The following DGAT2L6 variants were observed in gnomAD, a reference collection of about 807,000 sequenced individuals.
DGAT2L6 encodes diacylglycerol O-acyltransferase 2-like protein 6.
In DGAT2L6, 22 loss-of-function variants were observed where a neutral mutation model predicts 25.5. That is an observed-to-expected ratio of 0.86 (90% CI 0.62 to 1.23). The LOEUF (loss-of-function observed/expected upper bound fraction) is 1.23. DGAT2L6 is among the 50% of genes most tolerant of loss of function. The pLI is 0.00. For missense variants in DGAT2L6, 287 were observed against 253.2 expected (o/e 1.13, Z -0.91); for synonymous variants, 100 against 94.7 (o/e 1.06, Z -0.32).
chrX:70,186,858 C>T (rs756537520), intron 1 of DGAT2L6, among the ~76,000 whole-genome samples: 41 of 112,011 alleles, frequency 3.7e-4, no homozygotes, highest in African/African-American at 1.1e-3. Context: ...AATGTGAGTA[C>T]GGCTACTGAG....
Position 70,205,222 on chromosome X carries a change from T to C in DGAT2L6, c.*116T>C. 6 of 837,994 alleles carry C rather than the reference T, an allele frequency of 7.2e-6. No homozygotes were observed. The highest frequency in any genetic ancestry group is 9.4e-6 in the Non-Finnish European group (6 of 635,179). 69.1% of individuals were successfully genotyped at this position (837,994 alleles called of 1,213,427 possible). ...ATCGTAAGGATGAGAGAGGAGACCA[T>C]CCAAGCCAGAAATTATTTAATAAAT... On this transcript the variant is annotated 3_prime_UTR_variant, in exon 7 of 7. Transcript: ENST00000333026.
chrX:70,204,861 T>A (rs2085423311), intron 6 of DGAT2L6, 91 bp from the exon 7 acceptor site: 10 of 1,002,235 alleles, frequency 1.0e-5, no homozygotes, highest in Non-Finnish European at 1.2e-5. Flanking sequence ...GAAAGCCAGA[T>A]ACTGAGTTTC....
At chrX:70,180,468 A>AAAAAAT (rs1034643981) in intron 1 of DGAT2L6, among the ~76,000 whole-genome samples, 8 of 111,502 alleles carry the variant, frequency 7.2e-5, no homozygotes, top group Non-Finnish European at 1.3e-4. Flanking sequence ...AGTAAAAAAT[A>AAAAAAT]AAAAATAAAA....
chrX:70,202,611 A>T (rs779723864), intron 5 of DGAT2L6, among the ~76,000 whole-genome samples: 1 of 111,959 alleles, frequency 8.9e-6, no homozygotes, highest in South Asian at 3.7e-4. Flanking sequence ...AGACCCATGC[A>T]CATATAATTA....
chrX:70,177,523 G>A lies in DGAT2L6; in HGVS notation c.-60G>A. 2 of 1,038,587 alleles carry A rather than the reference G, an allele frequency of 1.9e-6. No individual in the cohort carries two copies. Among genetic ancestry groups the A allele is most frequent in the Non-Finnish European group, 2.7e-6 (2 of 744,367 alleles). 85.6% of individuals were successfully genotyped at this position (1,038,587 alleles called of 1,213,427 possible). On this transcript the variant is annotated 5_prime_UTR_variant, in exon 1 of 7. Transcript: ENST00000333026. The stretch of plus-strand genomic sequence containing the variant: ...TAGCAAAGCATCTATAATCAACTCA[G>A]CTTAAGAAGTTTTGACCTTCTGGTT...
chrX:70,180,049 T>G (rs2085338753), intron 1 of DGAT2L6, among the ~76,000 whole-genome samples: 1 of 111,149 alleles, frequency 9.0e-6, no homozygotes, highest in African/African-American at 3.3e-5. Flanking sequence ...AGGATTAGCC[T>G]CCAAGTAATG....
intron 1 of DGAT2L6, among the ~76,000 whole-genome samples, chrX:70,193,802 G>A (rs191944211): frequency 8.9e-6 from 1 of 111,930 alleles, no homozygotes; most frequent in East Asian, 2.8e-4. Flanking sequence ...ATACACAATG[G>A]TGAAAAGCTG....
chrX:70,194,674 C>T (rs959066717), intron 1 of DGAT2L6, among the ~76,000 whole-genome samples: 9 of 111,769 alleles, frequency 8.1e-5, no homozygotes, highest in African/African-American at 2.6e-4. Flanking sequence ...TGGTGTTGAA[C>T]TAGACATCCT....
At chrX:70,202,613 A>C (rs1464580391) in intron 5 of DGAT2L6, among the ~76,000 whole-genome samples, 1 of 111,864 alleles carries the variant, frequency 8.9e-6, no homozygotes, top group Admixed American at 9.5e-5. Context: ...ACCCATGCAC[A>C]TATAATTACC....
chrX:70,198,042 T>C (rs2085397225), intron 1 of DGAT2L6, among the ~76,000 whole-genome samples: 1 of 112,711 alleles, frequency 8.9e-6, no homozygotes, highest in Non-Finnish European at 1.9e-5. Flanking sequence ...ATGTCCAAAA[T>C]GCAAGAGACA....
At chrX:70,195,460 AGT>A (rs2085388129) in intron 1 of DGAT2L6, among the ~76,000 whole-genome samples, 1 of 45,517 alleles carries the variant, frequency 2.2e-5, no homozygotes, top group Non-Finnish European at 4.0e-5. Context: ...GAATAAAGAA[AGT>A]GTCACACACA....
chrX:70,178,721 G>C (rs1224877694), intron 1 of DGAT2L6, among the ~76,000 whole-genome samples: 2 of 111,514 alleles, frequency 1.8e-5, no homozygotes, highest in Non-Finnish European at 3.8e-5. Context: ...GGTGGATGGG[G>C]GTTACTTTGA....
chrX:70,200,192 T>C lies in DGAT2L6; in HGVS notation c.268-63T>C. On this transcript the variant is annotated intron_variant, in intron 3 of 6. Coordinates refer to ENST00000333026, the MANE Select transcript of DGAT2L6 (RefSeq NM_198512.3). ...AAACATAGGCTACCTGCTGGGATTT[T>C]AGTCCACACGTGGTTTCTTCCTTCT... The C allele has an allele frequency of 2.8e-6, 3 of 1,087,870 alleles. No homozygotes were observed. In the Admixed American group the frequency reaches 6.6e-5, roughly 24 times the overall value. 89.7% of individuals were successfully genotyped at this position (1,087,870 alleles called of 1,213,427 possible). A position where few individuals can be genotyped will look rare whatever the true frequency, so the allele number is the denominator to read the frequency against.
intron 1 of DGAT2L6, among the ~76,000 whole-genome samples, chrX:70,183,562 T>C (rs182928148): frequency 6.0e-3 from 668 of 112,064 alleles, no homozygotes; most frequent in Non-Finnish European, 0.011. Context: ...CAGGAGCCCT[T>C]TCTTATCATT....
rs1406423417 is a variant in DGAT2L6, at chrX:70,200,238, C to G, written c.268-17C>G. 2 of 1,204,775 alleles carry G rather than the reference C, an allele frequency of 1.7e-6. No individual in the cohort carries two copies. Among genetic ancestry groups the G allele is most frequent in the South Asian group, 3.5e-5 (2 of 56,751 alleles). On this transcript the variant is annotated splice_polypyrimidine_tract_variant and intron_variant, in intron 3 of 6. Coordinates refer to ENST00000333026, the MANE Select transcript of DGAT2L6 (RefSeq NM_198512.3). ...CTTCTTTGTAGCCAATGCTCTGACTCAATTTCCCTCTAACAGCTGGTGAAG... is the reference window on the plus strand; with the variant it reads ...CTTCTTTGTAGCCAATGCTCTGACTGAATTTCCCTCTAACAGCTGGTGAAG...
At position 70,205,483 on chromosome X, in the gene DGAT2L6, G is replaced by C. The variant is rs899870758; in HGVS notation, c.*377G>C. The C allele has an allele frequency of 7.3e-6, 1 of 136,205 alleles. No individual in the cohort carries two copies. Among genetic ancestry groups the C allele is most frequent in the African/African-American group, 3.1e-5 (1 of 31,884 alleles). 11.2% of individuals were successfully genotyped at this position (136,205 alleles called of 1,213,427 possible). A position where few individuals can be genotyped will look rare whatever the true frequency, so the allele number is the denominator to read the frequency against. ...CTAAACCTTAGTTCACCATCACTAC[G>C]TAGGTTTAGACTTAGAAGCTTTATT... On this transcript the variant is annotated 3_prime_UTR_variant, in exon 7 of 7. Coordinates refer to ENST00000333026, the MANE Select transcript of DGAT2L6 (RefSeq NM_198512.3).
At chrX:70,204,236 C>T in intron 5 of DGAT2L6, 69 bp from the exon 6 acceptor site, 3 of 981,108 alleles carry the variant, frequency 3.1e-6, no homozygotes, top group Admixed American at 5.5e-5. Context: ...GGAGAGGTTT[C>T]CCACCTTGGA....
At chrX:70,178,537 A>G (rs1347455233) in intron 1 of DGAT2L6, among the ~76,000 whole-genome samples, 1 of 110,871 alleles carries the variant, frequency 9.0e-6, no homozygotes, top group African/African-American at 3.3e-5. Flanking sequence ...CCTGCCAGAA[A>G]CCAGGGATTT....
intron 1 of DGAT2L6, among the ~76,000 whole-genome samples, chrX:70,182,293 A>G (rs1339875553): frequency 9.1e-6 from 1 of 109,703 alleles, no homozygotes; most frequent in African/African-American, 3.3e-5. Context: ...TGTGGCTCTG[A>G]CAGCCCCTCT....
Sources: allele counts gnomAD v4.1 joint callset (sites outside exome capture counted in the v4.1 genomes callset), GRCh38; gene constraint gnomAD v4.1.1; transcripts MANE v1.5; gene names NCBI Gene and HGNC (gene_info 2026-07-23, HGNC 2026-07-21).